Variants in ACO1 observed in about 807,000 individuals in gnomAD.
ACO1 encodes the protein aconitase 1.
A neutral mutation model predicts 105.1 loss-of-function variants in ACO1; 78 were observed. That is an observed-to-expected ratio of 0.74 (90% CI 0.62 to 0.90). ACO1 has a LOEUF of 0.90. Among genes scored for constraint, ACO1 ranks in the 40% least tolerant of loss-of-function variants. The pLI is 0.00. For missense variants in ACO1, 965 were observed against 1,111.1 expected, an observed-to-expected ratio of 0.87 and a Z score of 1.87; for synonymous variants, 364 against 397.4, an observed-to-expected ratio of 0.92 and a Z score of 1.00.
rs566589539 is a variant in ACO1 at position 32,437,869 on chromosome 9, AAAGAT to A, written c.2247+1477_2247+1481del. ...GAACATTTCCTAGAATATGTAACAG[AAAGAT>A]AAGAGAAAAAAATGTAAGAACTGAA... On this transcript the variant is annotated intron_variant, in intron 18 of 20. Transcript: ENST00000309951. 5.1e-3 allele frequency among the ~76,000 whole-genome samples: 777 copies of A among 152,278 alleles called. 7 individuals carry two copies. The highest frequency in any genetic ancestry group is 0.018 in the African/African-American group (733 of 41,572).
At chr9:32,409,796 A>C (rs1821695984) in intron 4 of ACO1, among the ~76,000 whole-genome samples, 3 of 152,160 alleles carry the variant, frequency 2.0e-5, no homozygotes. Flanking sequence ...TAGGCCATGC[A>C]TACCAGTTGG....
intron 19 of ACO1, among the ~76,000 whole-genome samples, chr9:32,447,107 T>G (rs967776916): frequency 6.6e-6 from 1 of 152,220 alleles, no homozygotes; most frequent in African/African-American, 2.4e-5. Flanking sequence ...ATTTGAATGT[T>G]GGCCTGCCTT....
intron 15 of ACO1, 59 bp downstream of exon 15, chr9:32,431,902 G>A: frequency 1.2e-6 from 2 of 1,600,388 alleles, no homozygotes; most frequent in South Asian, 2.2e-5. Context: ...TGCTCCCTTT[G>A]TGTCCTGTCT....
intron 18 of ACO1, among the ~76,000 whole-genome samples, chr9:32,437,285 CT>C (rs1822382384): frequency 6.6e-6 from 1 of 152,114 alleles, no homozygotes; most frequent in South Asian, 2.1e-4. Flanking sequence ...CATATTACTC[CT>C]TTAGGTCACA....
intron 19 of ACO1, among the ~76,000 whole-genome samples, chr9:32,442,641 G>A (rs1207615521): frequency 6.6e-6 from 1 of 152,160 alleles, no homozygotes; most frequent in South Asian, 2.1e-4. Context: ...TTTATCTGTG[G>A]TATGTTCTGA....
intron 8 of ACO1, among the ~76,000 whole-genome samples, 166 bp from the exon 9 acceptor site, chr9:32,423,153 T>C (rs1173204117): frequency 6.6e-6 from 1 of 151,728 alleles, no homozygotes; most frequent in African/African-American, 2.4e-5. Context: ...AGTGGGAGAG[T>C]CAAACCATTA....
intron 18 of ACO1, among the ~76,000 whole-genome samples, chr9:32,437,646 T>C (rs1822390851): frequency 6.6e-6 from 1 of 152,212 alleles, no homozygotes. Flanking sequence ...AACCTCATCT[T>C]AAATGAGACA....
chr9:32,389,669 CTTT>C, intron 1 of ACO1, among the ~76,000 whole-genome samples: 1 of 143,652 alleles, frequency 7.0e-6, no homozygotes, highest in African/African-American at 2.6e-5. Context: ...GCCTTCATTT[CTTT>C]TTTTTTTTTT....
At chr9:32,417,043 T>C (rs887777102) in intron 4 of ACO1, among the ~76,000 whole-genome samples, 1 of 152,208 alleles carries the variant, frequency 6.6e-6, no homozygotes, top group African/African-American at 2.4e-5. Flanking sequence ...GGGAAGTCCA[T>C]GTGGTATAGG....
At position 32,424,787 on chromosome 9, in the gene ACO1, A is replaced by G. The variant is rs1822050652; in HGVS notation, c.1188+122A>G. ...TGTAGCCTGAAGCTTGAGGGTGTTTATTCTTCCTTCTGAAGTCCTTAATGA... is the reference window on the plus strand; with the variant it reads ...TGTAGCCTGAAGCTTGAGGGTGTTTGTTCTTCCTTCTGAAGTCCTTAATGA... On this transcript the variant is annotated intron_variant, in intron 10 of 20. Transcript: ENST00000309951. 1.3e-5 allele frequency: 9 copies of G among 701,030 alleles called. No individual in the cohort carries two copies. The Admixed American group carries it at 1.3e-4, about 10-fold the overall frequency. The allele number at this position is 701,030 out of a possible 1,614,324, so 43.4% of individuals were successfully genotyped here. A position where few individuals can be genotyped will look rare whatever the true frequency, so the allele number is the denominator to read the frequency against.
intron 14 of ACO1, 91 bp from the exon 15 acceptor site, chr9:32,431,628 A>G (rs554968001): frequency 1.4e-6 from 2 of 1,411,844 alleles, no homozygotes; most frequent in South Asian, 1.3e-5. Context: ...TTTATAGAAC[A>G]TAACTACCGA....
chr9:32,391,536 A>C (rs1485060170), intron 1 of ACO1, among the ~76,000 whole-genome samples: 2 of 152,214 alleles, frequency 1.3e-5, no homozygotes, highest in Non-Finnish European at 2.9e-5. Flanking sequence ...TTTGTACATG[A>C]GTGCTGGTGT....
chr9:32,427,380 C>G lies in ACO1; in HGVS notation c.1428C>G (p.Gly476=). The G allele has an allele frequency of 6.2e-7, 1 of 1,614,194 alleles. No individual in the cohort carries two copies. Among genetic ancestry groups the G allele is most frequent in the Non-Finnish European group, 8.5e-7 (1 of 1,180,030 alleles). ...YIKTSLSPGS[G]VVTYYLQESG... Reference sequence around the variant, plus strand: ...AAACTAGCCTGTCTCCTGGGAGTGGCGTGGTCACCTACTACCTACAAGAAA... The same window carrying G: ...AAACTAGCCTGTCTCCTGGGAGTGGGGTGGTCACCTACTACCTACAAGAAA... Residue 476 remains glycine, a synonymous_variant, in exon 12 of 21, where the codon GGC becomes GGG. Coordinates refer to ENST00000309951, the MANE Select transcript of ACO1 (RefSeq NM_002197.3).
At chr9:32,445,549 CA>C in intron 19 of ACO1, 4 of 262,188 alleles carry the variant, frequency 1.5e-5, no homozygotes, top group Non-Finnish European at 1.6e-5. Context: ...TTGATCTTTT[CA>C]AAAAACCAGC....
intron 1 of ACO1, among the ~76,000 whole-genome samples, chr9:32,388,820 A>G (rs1821206252): frequency 6.6e-6 from 1 of 152,182 alleles, no homozygotes. Context: ...TAGCATTCAT[A>G]TATTGCTTTT....
In ACO1 at chr9:32,419,251, G is replaced by A. The variant is rs79018805; in HGVS notation, c.798+74G>A. On this transcript the variant is annotated intron_variant, in intron 7 of 20. Transcript: ENST00000309951. ...CTTTCCAATGGAGGGAATACATAATGGAATCTTGTTTGGTTTCCAAGTGCT... is the reference window on the plus strand; with the variant it reads ...CTTTCCAATGGAGGGAATACATAATAGAATCTTGTTTGGTTTCCAAGTGCT... 2,666 of 1,418,000 alleles carry A rather than the reference G, an allele frequency of 1.9e-3. 45 individuals are homozygous for A. In the African/African-American group the frequency reaches 0.034, roughly 18 times the overall value. 87.8% of individuals were successfully genotyped at this position (1,418,000 alleles called of 1,614,324 possible).
rs1276018275 is a variant in ACO1, at chr9:32,412,484, G to A, written c.404+3833G>A. Among the ~76,000 whole-genome samples, 3 of 152,188 alleles carry A rather than the reference G, an allele frequency of 2.0e-5. No homozygotes were observed. The East Asian group carries it at 5.8e-4, about 29-fold the overall frequency. ...TTTGCTTCCTTGGGGATGTAACTGA[G>A]TTCCTGGCAGCCTCAAAAGAAATTT... On this transcript the variant is annotated intron_variant, in intron 4 of 20. Transcript: ENST00000309951.
intron 12 of ACO1, among the ~76,000 whole-genome samples, chr9:32,427,881 T>C (rs1822135405): frequency 6.6e-6 from 1 of 152,230 alleles, no homozygotes; most frequent in Non-Finnish European, 1.5e-5. Flanking sequence ...AACAAACATA[T>C]TGTATAGCTG....
At chr9:32,415,695 C>T (rs1009360815) in intron 4 of ACO1, among the ~76,000 whole-genome samples, 1 of 152,144 alleles carries the variant, frequency 6.6e-6, no homozygotes, top group African/African-American at 2.4e-5. Context: ...AGGTGTCCTG[C>T]CTTGTTCTGC....
Sources: gnomAD v4.1 joint callset for allele counts (sites outside exome capture counted in the v4.1 genomes callset) on GRCh38, gnomAD v4.1.1 for gene constraint, MANE v1.5 for transcripts, NCBI Gene and HGNC (gene_info 2026-07-23, HGNC 2026-07-21) for gene names.